Variants in NAV3 observed in about 807,000 individuals in gnomAD.
NAV3 encodes neuron navigator 3, also known as pore membrane and/or filament interacting like protein 1.
In NAV3, 87 loss-of-function variants were observed where a neutral mutation model predicts 244.7. The ratio of observed to expected loss-of-function variants is 0.36; its 90% CI spans 0.30 to 0.42. The LOEUF is 0.42. Among genes scored for constraint, NAV3 ranks in the 20% least tolerant of loss-of-function variants. NAV3 has a pLI of 1.00. For missense variants in NAV3, 2,663 were observed against 2,893.3 expected (o/e 0.92, Z 1.83); for synonymous variants, 1,126 against 1,042.2 (o/e 1.08, Z -1.55).
chr12:78,037,551 T>A (rs770119), intron 9 of NAV3, among the ~76,000 whole-genome samples: 10,781 of 150,172 alleles, frequency 0.072, 432 homozygotes, highest in Non-Finnish European at 0.099. Flanking sequence ...TTTTTTTTTT[T>A]AATTTTTTGG....
chr12:78,177,416 T>C, intron 27 of NAV3, 103 bp downstream of exon 27: 1 of 1,330,864 alleles, frequency 7.5e-7, no homozygotes, highest in East Asian at 2.4e-5. Flanking sequence ...TATTTTCAGA[T>C]TTTTCTGAGA....
At chr12:78,065,100 A>C in intron 12 of NAV3, among the ~76,000 whole-genome samples, 1 of 152,252 alleles carries the variant, frequency 6.6e-6, no homozygotes, top group African/African-American at 2.4e-5. Flanking sequence ...GATTGCACTC[A>C]TGGTCCTGTA....
At chr12:78,064,376 T>G (rs1884706978) in intron 12 of NAV3, among the ~76,000 whole-genome samples, 1 of 151,978 alleles carries the variant, frequency 6.6e-6, no homozygotes, top group Admixed American at 6.6e-5. Flanking sequence ...TCTGTGCTCC[T>G]GGAGACATCT....
chr12:77,829,671 C>T (rs1404845879), upstream of NAV3, among the ~76,000 whole-genome samples: 1 of 152,170 alleles, frequency 6.6e-6, no homozygotes, highest in Non-Finnish European at 1.5e-5. Flanking sequence ...TATTACCCCG[C>T]TGTGTAAAGC....
chr12:78,109,779 ATAG>A (rs1954994030), intron 12 of NAV3, among the ~76,000 whole-genome samples: 1 of 151,972 alleles, frequency 6.6e-6, no homozygotes, highest in Non-Finnish European at 1.5e-5. Context: ...AAAACTCAGC[ATAG>A]AAGAAACATA....
In NAV3 at chr12:77,708,137, A is replaced by C. The variant is rs186765814; in HGVS notation, c.72+135871A>C. ...TTCAGACATGAAGTCCTTGCCCATG[A>C]CTATGTCCTGAATGGTATTGCCTAA... On this transcript the variant is annotated intron_variant, in intron 2 of 8. Transcript: ENST00000550042. Among the ~76,000 whole-genome samples the C allele has an allele frequency of 3.5e-4, 53 of 152,192 alleles. No individual in the cohort carries two copies. The East Asian group carries it at 9.7e-3, about 28-fold the overall frequency.
intron 3 of NAV3, among the ~76,000 whole-genome samples, chr12:77,958,352 A>G (rs1891564823): frequency 6.6e-6 from 1 of 152,194 alleles, no homozygotes; most frequent in Admixed American, 6.5e-5. Flanking sequence ...TTCAGGCATA[A>G]AATAAGTTTA....
At chr12:77,751,920 A>G (rs952088980) in intron 2 of NAV3, among the ~76,000 whole-genome samples, 1 of 152,176 alleles carries the variant, frequency 6.6e-6, no homozygotes, top group Non-Finnish European at 1.5e-5. Context: ...GAAATATTAG[A>G]TGTCTTCAGG....
intron 2 of NAV3, among the ~76,000 whole-genome samples, chr12:77,808,098 G>C (rs1872079508): frequency 6.6e-6 from 1 of 152,064 alleles, no homozygotes; most frequent in Non-Finnish European, 1.5e-5. Flanking sequence ...AAGGTTCTTA[G>C]CTTCCTTGCA....
chr12:77,667,845 A>G (rs1873787484), intron 2 of NAV3, among the ~76,000 whole-genome samples: 2 of 152,114 alleles, frequency 1.3e-5, no homozygotes, highest in African/African-American at 4.8e-5. Context: ...GCCAACCAAC[A>G]CAAAACTGGT....
intron 2 of NAV3, among the ~76,000 whole-genome samples, chr12:77,748,115 A>G (rs1868651715): frequency 6.6e-6 from 1 of 152,260 alleles, no homozygotes; most frequent in Non-Finnish European, 1.5e-5. Context: ...TGTGAATATA[A>G]CAATGGTATA....
Position 78,198,600 on chromosome 12 carries a change from T to C in NAV3, c.6447-5T>C. The C allele has an allele frequency of 6.5e-7, 1 of 1,549,686 alleles. No individual in the cohort carries two copies. Among genetic ancestry groups the C allele is most frequent in the African/African-American group, 1.4e-5 (1 of 72,370 alleles). The stretch of plus-strand genomic sequence containing the variant: ...AATTAAAATTTTCTATTTATTTTTT[T>C]CTAGTCCATATATTATTGGAACAAT... On this transcript the variant is annotated splice_region_variant and splice_polypyrimidine_tract_variant and intron_variant, in intron 35 of 39. Coordinates refer to ENST00000397909, the MANE Select transcript of NAV3 (RefSeq NM_001024383.2).
intron 4 of NAV3, among the ~76,000 whole-genome samples, chr12:77,966,903 A>G (rs559943262): frequency 6.6e-6 from 1 of 152,058 alleles, no homozygotes; most frequent in African/African-American, 2.4e-5. Flanking sequence ...CTTTTTTCTG[A>G]GTTTATTTTA....
Position 77,689,007 on chromosome 12 carries a change from G to T in NAV3, c.72+116741G>T, listed in dbSNP as rs139831042. Among the ~76,000 whole-genome samples, 638 of 151,926 alleles carry T rather than the reference G, an allele frequency of 4.2e-3. 4 individuals are homozygous for T. Among genetic ancestry groups the T allele is most frequent in the Non-Finnish European group, 3.9e-3 (262 of 67,814 alleles). On this transcript the variant is annotated intron_variant, in intron 2 of 8. Coordinates refer to the NAV3 transcript ENST00000550042. The stretch of plus-strand genomic sequence containing the variant: ...GCTGAAACCAGGATAATAGGAAGTG[G>T]GTAATGGAGGCAGTCCAGGATTTAG...
intron 2 of NAV3, among the ~76,000 whole-genome samples, chr12:77,592,565 A>C (rs963221803): frequency 6.6e-6 from 1 of 152,138 alleles, no homozygotes; most frequent in African/African-American, 2.4e-5. Flanking sequence ...TAAAGCCTCA[A>C]GGGGTGATTT....
chr12:78,186,513 G>A (rs533226494), intron 31 of NAV3, among the ~76,000 whole-genome samples: 1 of 151,850 alleles, frequency 6.6e-6, no homozygotes, highest in East Asian at 1.9e-4. Flanking sequence ...TCCCAAGTGG[G>A]TCTTTATGTG....
intron 6 of NAV3, among the ~76,000 whole-genome samples, chr12:77,995,438 T>C (rs936630619): frequency 1.3e-5 from 2 of 152,176 alleles, no homozygotes; most frequent in African/African-American, 4.8e-5. Context: ...CCTATAAAAA[T>C]GTTTTGAAAG....
chr12:77,776,658 C>G (rs1021501018), intron 2 of NAV3, among the ~76,000 whole-genome samples: 3 of 152,146 alleles, frequency 2.0e-5, no homozygotes, highest in African/African-American at 4.8e-5. Context: ...GTACCACTGA[C>G]AAACATGGTT....
intron 39 of NAV3, among the ~76,000 whole-genome samples, chr12:78,205,807 T>G (rs1455246285): frequency 6.6e-6 from 1 of 152,150 alleles, no homozygotes; most frequent in East Asian, 1.9e-4. Context: ...AAATGTGAAG[T>G]GTTACTAACT....
Sources: gnomAD v4.1 joint callset for allele counts (sites outside exome capture counted in the v4.1 genomes callset) on GRCh38, gnomAD v4.1.1 for gene constraint, MANE v1.5 for transcripts, NCBI Gene and HGNC (gene_info 2026-07-23, HGNC 2026-07-21) for gene names.